ACTR5: variants seen among roughly 807,000 people sequenced by gnomAD.
ACTR5 encodes actin-related protein 5.
A neutral mutation model predicts 61.2 loss-of-function variants in ACTR5; 43 were observed. The ratio of observed to expected loss-of-function variants is 0.70; its 90% CI spans 0.55 to 0.91. ACTR5 has a LOEUF of 0.91. Ranked by LOEUF, ACTR5 falls within the 40% of genes least tolerant of loss-of-function variation. The pLI is 0.00. For synonymous variants in ACTR5, 333 were observed against 310.5 expected (o/e 1.07, Z -0.76); for missense variants, 798 against 782.2 (o/e 1.02, Z -0.24).
Position 38,750,105 on chromosome 20 carries a change from G to A in ACTR5, c.471G>A (p.Gly157=), listed in dbSNP as rs180781103. 113 of 1,614,160 alleles carry A rather than the reference G, an allele frequency of 7.0e-5. No individual in the cohort carries two copies. Among genetic ancestry groups the A allele is most frequent in the Middle Eastern group, 1.6e-4 (1 of 6,062 alleles). ...MMSELLFECY[G]IPKVAYGIDS... is the part of the protein sequence containing the mutation. ...CTGAGCTTCTTTTTGAGTGCTACGG[G>A]ATTCCCAAGGTTGCCTATGGAATAG... Residue 157 remains glycine, a synonymous_variant, in exon 2 of 9, where the codon GGG becomes GGA. Coordinates refer to ENST00000243903, the MANE Select transcript of ACTR5 (RefSeq NM_024855.4).
intron 8 of ACTR5, among the ~76,000 whole-genome samples, chr20:38,770,495 AT>A (rs1183696674): frequency 6.6e-6 from 1 of 152,062 alleles, no homozygotes; most frequent in Non-Finnish European, 1.5e-5. Flanking sequence ...TGTAACCTGT[AT>A]TTTTTTCACT....
In ACTR5 at chr20:38,771,105, A is replaced by T. The variant is rs569799958; in HGVS notation, c.1567-454A>T. On this transcript the variant is annotated intron_variant, in intron 8 of 8. Transcript: ENST00000243903. ...CAGCCTCACAGAGAACGCCCAGGTC[A>T]CCCCTCTCTGCTGCCATTTCTCCTG... Among the ~76,000 whole-genome samples, 115 of 152,212 alleles carry T rather than the reference A, an allele frequency of 7.6e-4. 1 individual carries two copies. In the South Asian group the frequency reaches 0.024, roughly 32 times the overall value.
Position 38,765,450 on chromosome 20 carries a change from A to C in ACTR5, c.1225A>C (p.Met409Leu). ...GCCGTCTTTGGAAGATGTGGAAAGC[A>C]TGAATGATTTTGATCCCTTGTTTTC... ...LEPSLEDVESMNDFDPLFSEE... is the reference protein window; with the variant it reads ...LEPSLEDVESLNDFDPLFSEE... Residue 409 changes from methionine to leucine, a missense_variant, in exon 6 of 9, where the codon ATG becomes CTG. Coordinates refer to ENST00000243903, the MANE Select transcript of ACTR5 (RefSeq NM_024855.4). 1 of 1,614,190 alleles carries C rather than the reference A, an allele frequency of 6.2e-7. No individual in the cohort carries two copies. Among genetic ancestry groups the C allele is most frequent in the Admixed American group, 1.7e-5 (1 of 60,018 alleles).
At chr20:38,765,313 A>C in intron 5 of ACTR5, 89 bp from the exon 6 acceptor site, 1 of 915,410 alleles carries the variant, frequency 1.1e-6, no homozygotes, top group Middle Eastern at 2.7e-4. Flanking sequence ...ACATTGGGCA[A>C]GATCCCAGTT....
At chr20:38,770,148 A>G (rs546561372) in intron 8 of ACTR5, among the ~76,000 whole-genome samples, 1 of 150,078 alleles carries the variant, frequency 6.7e-6, no homozygotes, top group Non-Finnish European at 1.5e-5. Flanking sequence ...TCACATTGCT[A>G]ATGTAATGAG....
intron 5 of ACTR5, among the ~76,000 whole-genome samples, chr20:38,762,239 C>A (rs2084459379): frequency 6.6e-6 from 1 of 152,228 alleles, no homozygotes; most frequent in Non-Finnish European, 1.5e-5. Context: ...ACTCTTGACC[C>A]AGGCACCCAC....
At chr20:38,751,231 G>T (rs1261972392) in intron 2 of ACTR5, among the ~76,000 whole-genome samples, 1 of 152,118 alleles carries the variant, frequency 6.6e-6, no homozygotes, top group African/African-American at 2.4e-5. Context: ...GTAAAATTGG[G>T]AAAAACTGAT....
intron 3 of ACTR5, 48 bp downstream of exon 3, chr20:38,752,348 G>C: frequency 6.5e-7 from 1 of 1,532,600 alleles, no homozygotes. Flanking sequence ...TGTCTACCTT[G>C]TATTCCTTAA....
intron 5 of ACTR5, among the ~76,000 whole-genome samples, chr20:38,757,696 C>A (rs1343993278): frequency 6.6e-6 from 1 of 151,632 alleles, no homozygotes; most frequent in African/African-American, 2.4e-5. Context: ...AGGTTCTGCT[C>A]TCACCGTTGC....
intron 8 of ACTR5, among the ~76,000 whole-genome samples, chr20:38,769,600 C>T (rs1431010625): frequency 1.3e-5 from 2 of 152,008 alleles, no homozygotes; most frequent in African/African-American, 4.8e-5. Context: ...GTTCCATTTC[C>T]AGGGTGGGTT....
chr20:38,754,845 C>T (rs538502738), intron 3 of ACTR5, 112 bp from the exon 4 acceptor site: 113,319 of 1,004,136 alleles, frequency 0.11, 8,820 homozygotes, highest in Non-Finnish European at 0.13. Context: ...CACCTCGGCT[C>T]CCCAAAGTGC....
chr20:38,764,219 T>G (rs1208280701), intron 5 of ACTR5, among the ~76,000 whole-genome samples: 1 of 152,206 alleles, frequency 6.6e-6, no homozygotes, highest in East Asian at 1.9e-4. Flanking sequence ...AGACTCAGAA[T>G]GCATACTCAA....
chr20:38,750,787 C>A (rs1339829948), intron 2 of ACTR5, among the ~76,000 whole-genome samples: 1 of 152,004 alleles, frequency 6.6e-6, no homozygotes, highest in African/African-American at 2.4e-5. Flanking sequence ...TGCCACCATT[C>A]CTGGCTAATT....
intron 2 of ACTR5, 62 bp downstream of exon 2, chr20:38,750,301 C>T: frequency 6.9e-7 from 1 of 1,439,734 alleles, no homozygotes; most frequent in Non-Finnish European, 9.7e-7. Flanking sequence ...CATTTATTTA[C>T]TGCGTGCTTT....
rs188355468 is a variant in ACTR5, at chr20:38,759,185, G to A, written c.1176+3146G>A. ...ATGGGCCAAATATAGAAAGTTCTCC[G>A]GCTTTACTAGCCAAGATCAGGGTTG... On this transcript the variant is annotated intron_variant, in intron 5 of 8. Coordinates refer to ENST00000243903, the MANE Select transcript of ACTR5 (RefSeq NM_024855.4). 1.8e-4 allele frequency among the ~76,000 whole-genome samples: 28 copies of A among 152,318 alleles called. No homozygotes were observed. The East Asian group carries it at 5.2e-3, about 28-fold the overall frequency.
intron 2 of ACTR5, among the ~76,000 whole-genome samples, chr20:38,751,287 G>A (rs1035149358): frequency 1.3e-5 from 2 of 152,152 alleles, no homozygotes; most frequent in Admixed American, 6.5e-5. Context: ...GTAGGTAATG[G>A]CACTTTGTAA....
chr20:38,759,883 T>C (rs2084443337), intron 5 of ACTR5, among the ~76,000 whole-genome samples: 1 of 152,108 alleles, frequency 6.6e-6, no homozygotes, highest in South Asian at 2.1e-4. Context: ...GAAAGATTAT[T>C]TGGGCCGGGC....
intron 6 of ACTR5, 78 bp from the exon 7 acceptor site, chr20:38,766,160 A>C (rs1255129192): frequency 6.6e-7 from 1 of 1,508,380 alleles, no homozygotes; most frequent in Non-Finnish European, 9.0e-7. Context: ...GGATTAAGAA[A>C]CGCAGTTTGA....
intron 8 of ACTR5, among the ~76,000 whole-genome samples, chr20:38,768,720 G>C (rs1652329057): frequency 6.6e-6 from 1 of 152,142 alleles, no homozygotes; most frequent in Non-Finnish European, 1.5e-5. Context: ...ATTCTTATCA[G>C]GTGGTGGTAG....
Sources: allele counts gnomAD v4.1 joint callset (sites outside exome capture counted in the v4.1 genomes callset), GRCh38; gene constraint gnomAD v4.1.1; transcripts MANE v1.5; gene names NCBI Gene and HGNC (gene_info 2026-07-23, HGNC 2026-07-21).